The following C1QTNF5 variants were observed in gnomAD, a reference collection of about 807,000 sequenced individuals.
C1QTNF5 encodes complement C1q tumor necrosis factor-related protein 5.
Under a neutral mutation model 10.9 loss-of-function variants are expected in C1QTNF5, and 5 were observed. The observed-to-expected ratio is 0.46, with a 90% CI of 0.24 to 0.97. The LOEUF is 0.97. Ranked by LOEUF, C1QTNF5 falls within the 50% of genes least tolerant of loss-of-function variation. The pLI is 0.19. For missense variants in C1QTNF5, 281 were observed against 339.4 expected, an observed-to-expected ratio of 0.83 and a Z score of 1.35; for synonymous variants, 161 against 156.5, an observed-to-expected ratio of 1.03 and a Z score of -0.22.
In C1QTNF5 at chr11:119,340,784, C is replaced by T. The variant is rs1028476413; in HGVS notation, c.-133G>A. On this transcript the variant is annotated 5_prime_UTR_variant, in exon 1 of 3. Coordinates refer to ENST00000528368, the MANE Select transcript of C1QTNF5 (RefSeq NM_001278431.2). ...GGTGCTCCAGCCCCCGCGCTTCTCC[C>T]CGGCCAGGCGCCCCCTGCCCTGCCG... The T allele has an allele frequency of 8.1e-6, 2 of 248,382 alleles. No individual in the cohort carries two copies. The highest frequency in any genetic ancestry group is 1.6e-5 in the Non-Finnish European group (2 of 128,068). 15.4% of individuals were successfully genotyped at this position (248,382 alleles called of 1,614,324 possible). A position where few individuals can be genotyped will look rare whatever the true frequency, so the allele number is the denominator to read the frequency against.
upstream of C1QTNF5, chr11:119,342,687 C>T: frequency 6.2e-7 from 1 of 1,613,710 alleles, no homozygotes; most frequent in Non-Finnish European, 8.5e-7. Flanking sequence ...CACCCTTACA[C>T]CCTCCTGCCT....
At chr11:119,341,797 G>A (rs375333052), upstream of C1QTNF5, 563 of 1,613,336 alleles carry the variant, frequency 3.5e-4, 2 homozygotes, top group South Asian at 4.1e-3. Flanking sequence ...TGGCCTTCAG[G>A]CACCTGCTCC....
the C1QTNF5 span, chr11:119,346,486 A>G: frequency 1.9e-6 from 3 of 1,614,136 alleles, no homozygotes; most frequent in East Asian, 2.2e-5. Flanking sequence ...GCCTCCATGC[A>G]GAGGATGACA....
At chr11:119,340,471 C>A in intron 1 of C1QTNF5, 31 bp from the exon 2 acceptor site, 1 of 1,468,196 alleles carries the variant, frequency 6.8e-7, no homozygotes, top group Non-Finnish European at 9.2e-7. Context: ...GAGTCGGGAC[C>A]CAGAATCCTG....
At chr11:119,345,937 G>T, upstream of C1QTNF5, 1 of 1,613,756 alleles carries the variant, frequency 6.2e-7, no homozygotes, top group Non-Finnish European at 8.5e-7. Flanking sequence ...CTCTGGAGGC[G>T]AGAAGATGGA....
Position 119,339,806 on chromosome 11 carries a change from G to A in C1QTNF5, c.257C>T (p.Ala86Val), listed in dbSNP as rs763677281. The A allele has an allele frequency of 2.6e-6, 4 of 1,523,184 alleles. No individual in the cohort carries two copies. The highest frequency in any genetic ancestry group is 4.1e-5 in the Admixed American group (2 of 49,318). 94.4% of individuals were successfully genotyped at this position (1,523,184 alleles called of 1,614,324 possible). Residue 86 changes from alanine (A) to valine (V), a missense_variant, in exon 3 of 3, where the codon GCG becomes GTG. Ala to Val is a moderately conservative substitution (Grantham distance 64). Coordinates refer to ENST00000528368, the MANE Select transcript of C1QTNF5 (RefSeq NM_001278431.2). The surrounding 1 kb of genome is among the most constrained non-coding windows in gnomAD (Gnocchi z 5.4). ...AGGCCCGGTGGGCCCCGCGGGTCCC[G>A]CCTCTCCTCGCGGCCCGGGGTCCCC... Reference protein sequence around the residue: ...PRGDPGPRGEAGPAGPTGPAG... With the variant: ...PRGDPGPRGEVGPAGPTGPAG...
chr11:119,339,487 C>G lies in C1QTNF5; in HGVS notation c.576G>C (p.Ser192=), dbSNP rs151230738. 1.9e-6 allele frequency: 3 copies of G among 1,614,016 alleles called. No homozygotes were observed. Among genetic ancestry groups the G allele is most frequent in the East Asian group, 2.2e-5 (1 of 44,882 alleles). ...FGGWPKPASL[S]GGAMVRLEPE... ...GCTCCAGCCTCACCATGGCCCCCCCCGAGAGCGAGGCTGGCTTGGGCCACC... is the reference window on the plus strand; with the variant it reads ...GCTCCAGCCTCACCATGGCCCCCCCGGAGAGCGAGGCTGGCTTGGGCCACC... The change falls in exon 3 of 3, where the codon TCG becomes TCC. Residue 192 remains serine, a synonymous_variant. Coordinates refer to ENST00000528368, the MANE Select transcript of C1QTNF5 (RefSeq NM_001278431.2). The surrounding 1 kb of genome is among the most constrained non-coding windows in gnomAD (Gnocchi z 5.4).
the C1QTNF5 span, chr11:119,346,021 T>TAC: frequency 1.2e-6 from 2 of 1,612,588 alleles, no homozygotes. Flanking sequence ...AAAGCCCTCG[T>TAC]TTCAAGCTGT....
chr11:119,343,093 G>A, upstream of C1QTNF5: 2 of 1,498,554 alleles, frequency 1.3e-6, no homozygotes, highest in Non-Finnish European at 1.8e-6. Flanking sequence ...TGAGCTGGGA[G>A]CCCTGGATGA....
At chr11:119,341,598 A>C (rs1950503045), upstream of C1QTNF5, 1 of 1,612,844 alleles carries the variant, frequency 6.2e-7, no homozygotes, top group African/African-American at 1.3e-5. Flanking sequence ...AGCCTGTTGC[A>C]GTTGAAGGGC....
chr11:119,342,453 A>C, upstream of C1QTNF5: 2 of 1,044,322 alleles, frequency 1.9e-6, no homozygotes, highest in Non-Finnish European at 2.8e-6. Context: ...GGACTCTGTG[A>C]AGTGGTCCCA....
upstream of C1QTNF5, chr11:119,344,675 A>T (rs1243587288): frequency 8.1e-6 from 13 of 1,614,096 alleles, no homozygotes; most frequent in Non-Finnish European, 1.1e-5. Context: ...TGCCGTCAGC[A>T]CAGTTGGCAA....
chr11:119,340,129 T>A (rs1950486195), intron 2 of C1QTNF5, 55 bp downstream of exon 2: 1 of 1,482,462 alleles, frequency 6.7e-7, no homozygotes. Flanking sequence ...GAGCTGGAGC[T>A]GCGGCCGCGC....
At chr11:119,344,843 A>G, upstream of C1QTNF5, 2 of 1,613,474 alleles carry the variant, frequency 1.2e-6, no homozygotes, top group South Asian at 2.2e-5. Context: ...AAGAAAGTGG[A>G]CACTCAACAG....
upstream of C1QTNF5, chr11:119,341,487 C>T (rs752071088): frequency 8.6e-6 from 12 of 1,394,688 alleles, no homozygotes; most frequent in East Asian, 4.6e-5. Flanking sequence ...TGTTCCCCTG[C>T]GTGCCAGCCC....
In C1QTNF5 at chr11:119,339,176, C is replaced by T. The variant is rs1950469707; in HGVS notation, c.*155G>A. The stretch of plus-strand genomic sequence containing the variant: ...GACCTGATCGCAGACAGCCACTGTT[C>T]CCATTCCTTGCCAGCAGCAGGACGG... On this transcript the variant is annotated 3_prime_UTR_variant, in exon 3 of 3. Transcript: ENST00000528368. The surrounding 1 kb of genome is among the most constrained non-coding windows in gnomAD (Gnocchi z 5.4). The T allele has an allele frequency of 3.2e-5, 26 of 823,034 alleles. No individual in the cohort carries two copies. In the South Asian group the frequency reaches 4.5e-4, roughly 14 times the overall value. The allele number at this position is 823,034 out of a possible 1,614,324, so 51.0% of individuals were successfully genotyped here.
chr11:119,342,793 C>G, upstream of C1QTNF5: 1 of 1,613,064 alleles, frequency 6.2e-7, no homozygotes, highest in Non-Finnish European at 8.5e-7. Flanking sequence ...CCCAGAGTGT[C>G]CTGACCAGGG....
At chr11:119,345,010 A>C, upstream of C1QTNF5, 3 of 1,602,210 alleles carry the variant, frequency 1.9e-6, no homozygotes, top group Non-Finnish European at 2.6e-6. Flanking sequence ...AAACCCTGCA[A>C]GAAGCCAGGT....
chr11:119,344,506 G>A, upstream of C1QTNF5: 4 of 1,579,804 alleles, frequency 2.5e-6, no homozygotes, highest in Non-Finnish European at 3.5e-6. Flanking sequence ...ACAAGTTCTG[G>A]GCCAAAGAAT....
Sources: allele counts gnomAD v4.1 joint callset, GRCh38; gene constraint gnomAD v4.1.1; non-coding constraint Gnocchi (gnomAD v3.1); transcripts MANE v1.5; gene names NCBI Gene and HGNC (gene_info 2026-07-23, HGNC 2026-07-21).